The following PRELID2 variants were observed in gnomAD, a reference collection of about 807,000 sequenced individuals.
PRELID2 encodes PRELI domain containing 2.
PRELID2 carries 25 observed loss-of-function variants against 28.4 expected under a neutral mutation model. The ratio of observed to expected loss-of-function variants is 0.88; its 90% CI spans 0.64 to 1.23. The LOEUF is 1.23. Ranked by LOEUF, PRELID2 falls within the 50% of genes most tolerant of loss-of-function variation. PRELID2 has a pLI of 0.00. For synonymous variants in PRELID2, 76 were observed against 71.6 expected (o/e 1.06, Z -0.31); for missense variants, 201 against 214.4 (o/e 0.94, Z 0.39).
chr5:145,612,878 G>A (rs1276734210), intron 1 of PRELID2, among the ~76,000 whole-genome samples: 2 of 152,128 alleles, frequency 1.3e-5, no homozygotes, highest in Middle Eastern at 3.2e-3. Context: ...ATTTGGGTTG[G>A]TTCCATGATT....
the PRELID2 span, among the ~76,000 whole-genome samples, chr5:145,323,199 C>T: frequency 6.6e-6 from 1 of 150,440 alleles, no homozygotes; most frequent in Non-Finnish European, 1.5e-5. Context: ...AAAATATGTG[C>T]AAAGGGCTTT....
At chr5:145,585,968 C>T (rs1433420287) in intron 1 of PRELID2, among the ~76,000 whole-genome samples, 1 of 152,092 alleles carries the variant, frequency 6.6e-6, no homozygotes, top group Admixed American at 6.6e-5. Flanking sequence ...TAAATCCGTG[C>T]TCTTGAAACC....
At chr5:145,781,966 A>G (rs1023196507) in intron 5 of PRELID2, among the ~76,000 whole-genome samples, 5 of 151,968 alleles carry the variant, frequency 3.3e-5, no homozygotes, top group African/African-American at 9.7e-5. Flanking sequence ...CAAAAGAGTG[A>G]GAGAAGAGGT....
chr5:145,535,280 C>A (rs1212705695), intron 1 of PRELID2, among the ~76,000 whole-genome samples: 3 of 151,770 alleles, frequency 2.0e-5, no homozygotes, highest in African/African-American at 4.8e-5. Flanking sequence ...TGTCCTTAGA[C>A]TCCCACAAAA....
intron 1 of PRELID2, among the ~76,000 whole-genome samples, chr5:145,618,921 C>T (rs556126966): frequency 6.6e-6 from 1 of 152,164 alleles, no homozygotes; most frequent in South Asian, 2.1e-4. Flanking sequence ...AGGAGGATTA[C>T]GGCCACCTCT....
chr5:145,287,298 G>T, the PRELID2 span, among the ~76,000 whole-genome samples: 1 of 152,042 alleles, frequency 6.6e-6, no homozygotes, highest in African/African-American at 2.4e-5. Context: ...TAATAAAATA[G>T]AATAGGATAA....
rs1757270003 is a variant in PRELID2 at position 145,756,789 on chromosome 5, C to T, written c.*3747G>A. On this transcript the variant is annotated 3_prime_UTR_variant, in exon 7 of 7. Transcript: ENST00000683046. ...ATTCAACATATAGTATGCAGTTACACAATTTCCCAACCCCAGGGCAAATTA... is the reference window on the plus strand; with the variant it reads ...ATTCAACATATAGTATGCAGTTACATAATTTCCCAACCCCAGGGCAAATTA... 6.6e-6 allele frequency among the ~76,000 whole-genome samples: 1 copy of T among 152,166 alleles called. No homozygotes were observed.
the PRELID2 span, among the ~76,000 whole-genome samples, chr5:145,247,198 C>T: frequency 7.2e-5 from 11 of 152,144 alleles, no homozygotes; most frequent in East Asian, 1.9e-3. Context: ...ACTTTGACCC[C>T]GTTTGATTCC....
At chr5:145,815,007 A>G (rs1754200951) in intron 4 of PRELID2, among the ~76,000 whole-genome samples, 1 of 152,170 alleles carries the variant, frequency 6.6e-6, no homozygotes, top group Non-Finnish European at 1.5e-5. Context: ...CTCCCCTGCC[A>G]CCCCCAATTC....
At chr5:145,691,683 A>C (rs769646123) in intron 1 of PRELID2, among the ~76,000 whole-genome samples, 2 of 152,106 alleles carry the variant, frequency 1.3e-5, no homozygotes, top group African/African-American at 2.4e-5. Context: ...ACGCCACTGC[A>C]CTCCAGCCTG....
At chr5:145,810,432 A>G (rs1428796269) in intron 4 of PRELID2, among the ~76,000 whole-genome samples, 1 of 152,224 alleles carries the variant, frequency 6.6e-6, no homozygotes, top group Non-Finnish European at 1.5e-5. Context: ...AATTGCTTGC[A>G]TTGACCCTGA....
intron 1 of PRELID2, among the ~76,000 whole-genome samples, chr5:145,692,960 A>C (rs1180159242): frequency 6.6e-6 from 1 of 152,184 alleles, no homozygotes; most frequent in Non-Finnish European, 1.5e-5. Context: ...TTCTAGCAGA[A>C]GCAACCATTT....
intron 4 of PRELID2, among the ~76,000 whole-genome samples, chr5:145,799,845 T>A (rs908239667): frequency 1.8e-4 from 27 of 152,204 alleles, no homozygotes; most frequent in Non-Finnish European, 3.8e-4. Flanking sequence ...AATAGTCACA[T>A]CTGCGCCACT....
At chr5:145,299,111 A>G in the PRELID2 span, among the ~76,000 whole-genome samples, 11 of 152,130 alleles carry the variant, frequency 7.2e-5, no homozygotes, top group African/African-American at 1.7e-4. Context: ...TTCAATAATT[A>G]TCAACTCAAA....
the PRELID2 span, among the ~76,000 whole-genome samples, chr5:145,274,059 A>G: frequency 6.6e-6 from 1 of 152,188 alleles, no homozygotes; most frequent in Non-Finnish European, 1.5e-5. Context: ...AAATAAATGC[A>G]TAACACTCTA....
intron 1 of PRELID2, among the ~76,000 whole-genome samples, chr5:145,501,710 C>A (rs1172674261): frequency 6.6e-6 from 1 of 152,094 alleles, no homozygotes; most frequent in Admixed American, 6.6e-5. Flanking sequence ...TACCCAGTCT[C>A]GGTTATGTAT....
rs778494158 is a variant in PRELID2 at position 145,796,537 on chromosome 5, T to G, written c.379A>C (p.Ile127Leu). The change falls in exon 5 of 7, where the codon ATT becomes CTT. Residue 127 changes from isoleucine to leucine, a missense_variant. By Grantham distance (5) the Ile-to-Leu change is conservative. Coordinates refer to ENST00000683046, the MANE Select transcript of PRELID2 (RefSeq NM_205846.3). ...SMENPNWTEF[I>L]QRGRISITGV... ...GTGATTGAAATCCTGCCTCTTTGAA[T>G]GAACTCTGTCCTGCAAAAAAAACAA... 1 of 1,605,488 alleles carries G rather than the reference T, an allele frequency of 6.2e-7. No homozygotes were observed. The highest frequency in any genetic ancestry group is 8.5e-7 in the Non-Finnish European group (1 of 1,175,442).
In PRELID2 at chr5:145,673,652, TTTGATTTGCTAGCAAACC is replaced by T. The variant is rs549353631; in HGVS notation, n.70+91261_70+91278del. Among the ~76,000 whole-genome samples the T allele has an allele frequency of 4.0e-3, 604 of 152,180 alleles. 13 individuals carry two copies. The highest frequency in any genetic ancestry group is 0.034 in the Admixed American group (524 of 15,274). On this transcript the variant is annotated intron_variant and non_coding_transcript_variant, in intron 1 of 2. Transcript: ENST00000510259. The stretch of plus-strand genomic sequence containing the variant: ...GCATAATAAATCTATAAAAAAAATT[TTTGATTTGCTAGCAAACC>T]AAAATTCAACACATCTGAGAGACAC...
At chr5:145,292,506 A>G in the PRELID2 span, among the ~76,000 whole-genome samples, 3 of 152,126 alleles carry the variant, frequency 2.0e-5, no homozygotes, top group African/African-American at 7.2e-5. Context: ...ACCTACTCCA[A>G]GCAGAGTCTC....
Sources: gnomAD v4.1 joint callset for allele counts (sites outside exome capture counted in the v4.1 genomes callset) on GRCh38, gnomAD v4.1.1 for gene constraint, MANE v1.5 for transcripts, NCBI Gene and HGNC (gene_info 2026-07-23, HGNC 2026-07-21) for gene names.